The following MYOF variants were observed in gnomAD, a reference collection of about 807,000 sequenced individuals.
MYOF encodes myoferlin.
MYOF carries 244 observed loss-of-function variants against 284.2 expected under a neutral mutation model. That is an observed-to-expected ratio of 0.86 (90% confidence interval 0.77 to 0.95). MYOF has a LOEUF of 0.95. Ranked by LOEUF, MYOF falls within the 40% of genes least tolerant of loss-of-function variation. The pLI is 0.00. For missense variants in MYOF, 2,496 were observed against 2,560.6 expected (o/e 0.97, Z 0.54); for synonymous variants, 904 against 919.7 (o/e 0.98, Z 0.31).
At chr10:93,405,608 CCA>C (rs1380171629) in intron 7 of MYOF, among the ~76,000 whole-genome samples, 9 of 151,898 alleles carry the variant, frequency 5.9e-5, no homozygotes, top group African/African-American at 1.5e-4. Context: ...GTAGAATATC[CCA>C]CAGTCTAGAT....
At chr10:93,407,543 A>G (rs1341800026) in intron 7 of MYOF, among the ~76,000 whole-genome samples, 1 of 150,634 alleles carries the variant, frequency 6.6e-6, no homozygotes, top group Non-Finnish European at 1.5e-5. Flanking sequence ...ATCCTGGCCA[A>G]CATGGTGAAA....
intron 17 of MYOF, among the ~76,000 whole-genome samples, chr10:93,389,637 T>C (rs141575743): frequency 6.6e-6 from 1 of 152,250 alleles, no homozygotes; most frequent in Non-Finnish European, 1.5e-5. Flanking sequence ...AAATTTTATA[T>C]GTAATAATAA....
At chr10:93,322,304 C>T (rs139874884) in intron 48 of MYOF, among the ~76,000 whole-genome samples, 103 of 152,308 alleles carry the variant, frequency 6.8e-4, no homozygotes, top group African/African-American at 2.3e-3. Context: ...AGCAACAATA[C>T]TATGTGCCAG....
At chr10:93,372,791 G>T in intron 24 of MYOF, 139 bp downstream of exon 24, 1 of 1,007,738 alleles carries the variant, frequency 9.9e-7, no homozygotes, top group East Asian at 2.6e-5. Flanking sequence ...TTGCCCCAGA[G>T]AGAGGGACCA....
At chr10:93,341,848 T>G (rs755212058) in intron 38 of MYOF, 1 of 1,098,228 alleles carries the variant, frequency 9.1e-7, no homozygotes, top group Non-Finnish European at 1.2e-6. Context: ...GTAAGAATAA[T>G]TCAAGTCTTT....
At chr10:93,442,289 A>G (rs2056291200) in intron 3 of MYOF, among the ~76,000 whole-genome samples, 1 of 152,218 alleles carries the variant, frequency 6.6e-6, no homozygotes, top group Non-Finnish European at 1.5e-5. Context: ...AACCTAGAAG[A>G]AAAGAATTAG....
At chr10:93,435,018 C>G (rs1386503034) in intron 3 of MYOF, among the ~76,000 whole-genome samples, 1 of 152,080 alleles carries the variant, frequency 6.6e-6, no homozygotes, top group Non-Finnish European at 1.5e-5. Flanking sequence ...ATTGAGTTTT[C>G]AAGAAAATCA....
At chr10:93,332,722 C>T (rs1288758374) in intron 43 of MYOF, among the ~76,000 whole-genome samples, 1 of 151,986 alleles carries the variant, frequency 6.6e-6, no homozygotes, top group African/African-American at 2.4e-5. Context: ...TGGCAGTTGC[C>T]TGTAGTCCCA....
chr10:93,333,437 C>T (rs1843432224), intron 42 of MYOF, 125 bp from the exon 43 acceptor site: 1 of 876,128 alleles, frequency 1.1e-6, no homozygotes, highest in African/African-American at 1.7e-5. Context: ...GCCATGGCAC[C>T]CCGTGCCTAA....
At chr10:93,321,774 T>C (rs1351373016) in intron 48 of MYOF, among the ~76,000 whole-genome samples, 1 of 152,186 alleles carries the variant, frequency 6.6e-6, no homozygotes, top group Non-Finnish European at 1.5e-5. Context: ...ACAGCTCCTA[T>C]AGGTATACGT....
intron 24 of MYOF, 40 bp from the exon 25 acceptor site, chr10:93,369,816 C>A: frequency 1.2e-6 from 2 of 1,609,650 alleles, no homozygotes; most frequent in Non-Finnish European, 1.7e-6. Flanking sequence ...ACATTAGGCA[C>A]AGCAAAGACT....
intron 48 of MYOF, among the ~76,000 whole-genome samples, chr10:93,321,674 GCT>G (rs1185719605): frequency 1.3e-5 from 2 of 151,796 alleles, no homozygotes; most frequent in Non-Finnish European, 2.9e-5. Context: ...ACCCTAGACT[GCT>G]CACCCTTACA....
chr10:93,340,087 G>GAA, intron 39 of MYOF, 66 bp downstream of exon 39: 1 of 1,390,020 alleles, frequency 7.2e-7, no homozygotes, highest in Non-Finnish European at 1.0e-6. Flanking sequence ...CTCAAAAAAA[G>GAA]AAAAGAAAAA....
chr10:93,431,421 C>T lies in MYOF; in HGVS notation c.332G>A (p.Gly111Glu). 3.7e-6 allele frequency: 6 copies of T among 1,613,894 alleles called. No individual in the cohort carries two copies. The Admixed American group carries it at 8.3e-5, about 22-fold the overall frequency. ...YKLISLLNEK[G>E]QDTGATIDLV... The stretch of plus-strand genomic sequence containing the variant: ...GAAAACACTCACCCCAGTATCTTGC[C>T]CTTTTTCATTTAGCAGGGAGATCAG... Residue 111 changes from glycine to glutamate, a missense_variant, in exon 4 of 54, where the codon GGG becomes GAG. Gly to Glu is a moderately conservative substitution (Grantham distance 98). Transcript: ENST00000359263.
chr10:93,395,400 G>A (rs992654621), intron 16 of MYOF, among the ~76,000 whole-genome samples: 3 of 152,156 alleles, frequency 2.0e-5, no homozygotes, highest in Admixed American at 6.5e-5. Context: ...CTGAGATCAC[G>A]CCACTGCACT....
chr10:93,475,883 A>G (rs1021673106), intron 1 of MYOF, among the ~76,000 whole-genome samples: 4 of 152,174 alleles, frequency 2.6e-5, no homozygotes, highest in Non-Finnish European at 4.4e-5. Flanking sequence ...AGCTTTATAG[A>G]TGACTGAGAC....
rs375432077 is a variant in MYOF, at chr10:93,431,501, C to A, written c.252G>T (p.Ala84=). ...CAGTCAGGTCCTTCAGGGCTACAGT[C>A]GCCGTGCCAATTAATCTGCAGGGAA... ...TIGQNKLIGT[A]TVALKDLTGD... is the part of the protein sequence containing the mutation. Residue 84 remains alanine, a synonymous_variant, in exon 4 of 54, where the codon GCG becomes GCT. Transcript: ENST00000359263. The A allele has an allele frequency of 6.2e-7, 1 of 1,613,574 alleles. No individual in the cohort carries two copies. Among genetic ancestry groups the A allele is most frequent in the Non-Finnish European group, 8.5e-7 (1 of 1,179,776 alleles).
Position 93,365,685 on chromosome 10 carries a change from C to T in MYOF, c.2753+707G>A, listed in dbSNP as rs116951588. On this transcript the variant is annotated intron_variant, in intron 26 of 53. Transcript: ENST00000359263. Reference sequence around the variant, plus strand: ...CTACTTGTTGGGAGATAATTCTCTGCGAGTCTCTTGTGTTTCTGCGCATCT... The same window carrying T: ...CTACTTGTTGGGAGATAATTCTCTGTGAGTCTCTTGTGTTTCTGCGCATCT... Among the ~76,000 whole-genome samples the T allele has an allele frequency of 2.3e-3, 343 of 152,244 alleles. 11 individuals carry two copies. In the East Asian group the frequency reaches 0.058, roughly 26 times the overall value.
chr10:93,314,477 G>C (rs1842526910), intron 50 of MYOF, among the ~76,000 whole-genome samples: 1 of 152,182 alleles, frequency 6.6e-6, no homozygotes, highest in Admixed American at 6.5e-5. Context: ...TAAGAAAATG[G>C]TATCTGTGAT....
Sources: gnomAD v4.1 joint callset for allele counts (sites outside exome capture counted in the v4.1 genomes callset) on GRCh38, gnomAD v4.1.1 for gene constraint, MANE v1.5 for transcripts, NCBI Gene and HGNC (gene_info 2026-07-23, HGNC 2026-07-21) for gene names.